CDH13: variants seen among roughly 807,000 people sequenced by gnomAD.
The protein encoded by CDH13 is cadherin-13.
A neutral mutation model predicts 63.8 loss-of-function variants in CDH13; 24 were observed. That is an observed-to-expected ratio of 0.38 (90% CI 0.27 to 0.53). CDH13 has a LOEUF of 0.53. CDH13 is among the 20% of genes least tolerant of loss of function. The probability of loss-of-function intolerance (pLI) is 0.85; values close to 1 mark genes in which losing one functional copy is unlikely to be tolerated. For missense variants in CDH13, 1,049 were observed against 903.1 expected, an observed-to-expected ratio of 1.16 and a Z score of -2.07; for synonymous variants, 503 against 355.3, an observed-to-expected ratio of 1.42 and a Z score of -4.67.
At chr16:82,760,142 T>A (rs2034776803) in intron 1 of CDH13, among the ~76,000 whole-genome samples, 1 of 152,162 alleles carries the variant, frequency 6.6e-6, no homozygotes, top group Non-Finnish European at 1.5e-5. Flanking sequence ...ACACAAATAT[T>A]TTCCAGAACA....
At chr16:83,345,521 C>T (rs189323647) in intron 6 of CDH13, among the ~76,000 whole-genome samples, 52 of 152,310 alleles carry the variant, frequency 3.4e-4, no homozygotes, top group African/African-American at 1.2e-3. Flanking sequence ...TGATATCTCT[C>T]TCTGGAAATG....
chr16:82,953,717 C>T (rs1905625165), intron 2 of CDH13: 1 of 152,076 alleles, frequency 6.6e-6, no homozygotes. Flanking sequence ...ACTGGGTGCT[C>T]AGTGGTGAAA....
chr16:83,136,260 G>C (rs2036279128), intron 4 of CDH13, among the ~76,000 whole-genome samples: 1 of 151,722 alleles, frequency 6.6e-6, no homozygotes, highest in African/African-American at 2.4e-5. Flanking sequence ...GAGGCAGGCG[G>C]ATCATGAGGT....
chr16:83,174,428 C>T (rs917118609), intron 4 of CDH13, among the ~76,000 whole-genome samples: 4 of 151,910 alleles, frequency 2.6e-5, no homozygotes, highest in African/African-American at 9.7e-5. Flanking sequence ...TTACTTAGAG[C>T]TTTATGGATT....
intron 5 of CDH13, among the ~76,000 whole-genome samples, chr16:83,232,037 G>T (rs573137153): frequency 6.6e-6 from 1 of 151,328 alleles, no homozygotes; most frequent in African/African-American, 2.4e-5. Flanking sequence ...TGGACACAAG[G>T]CGGGCTTTTC....
rs544842173 is a variant in CDH13, at chr16:83,002,509, A to G, written c.158-29501A>G. ...TAAGCCACAAAGCTTATAGTTTGTT[A>G]TAGCAGCCACAGGAAATTAATACAA... On this transcript the variant is annotated intron_variant, in intron 2 of 13. Coordinates refer to ENST00000567109, the MANE Select transcript of CDH13 (RefSeq NM_001257.5). Among the ~76,000 whole-genome samples the G allele has an allele frequency of 5.3e-5, 8 of 152,364 alleles. No individual in the cohort carries two copies. In the East Asian group the frequency reaches 1.5e-3, roughly 29 times the overall value.
At chr16:83,253,131 AC>A (rs1228084676) in intron 5 of CDH13, among the ~76,000 whole-genome samples, 1 of 152,226 alleles carries the variant, frequency 6.6e-6, no homozygotes, top group Non-Finnish European at 1.5e-5. Flanking sequence ...AAGTAAAATA[AC>A]AAGGCAAAGG....
At chr16:82,639,959 AC>A (rs1422032576) in intron 1 of CDH13, among the ~76,000 whole-genome samples, 1 of 152,212 alleles carries the variant, frequency 6.6e-6, no homozygotes, top group Non-Finnish European at 1.5e-5. Context: ...CATTCACTTA[AC>A]AAATATTTAC....
At position 83,624,353 on chromosome 16, in the gene CDH13, C is replaced by T. The variant is rs377711695; in HGVS notation, c.1101+21759C>T. On this transcript the variant is annotated intron_variant, in intron 8 of 13. Transcript: ENST00000567109. ...ATGAGATAACGCCCCCACCCCTGCCCCAGGTCAGCAGTCCCCAGCCTTTTT... is the reference window on the plus strand; with the variant it reads ...ATGAGATAACGCCCCCACCCCTGCCTCAGGTCAGCAGTCCCCAGCCTTTTT... Among the ~76,000 whole-genome samples the T allele has an allele frequency of 8.1e-3, 1,234 of 151,990 alleles. 16 individuals are homozygous for T. The highest frequency in any genetic ancestry group is 0.012 in the Non-Finnish European group (812 of 67,974).
At chr16:83,141,474 C>G (rs1031170672) in intron 4 of CDH13, among the ~76,000 whole-genome samples, 6 of 152,130 alleles carry the variant, frequency 3.9e-5, no homozygotes, top group African/African-American at 1.4e-4. Flanking sequence ...CATTTCTCTT[C>G]GCAGTGTTCT....
intron 2 of CDH13, among the ~76,000 whole-genome samples, chr16:82,926,629 C>T (rs969301854): frequency 6.6e-6 from 1 of 152,174 alleles, no homozygotes; most frequent in African/African-American, 2.4e-5. Flanking sequence ...CTCACAAGCT[C>T]TAGGTACAAA....
At chr16:83,053,024 C>T (rs115472513) in intron 3 of CDH13, among the ~76,000 whole-genome samples, 1,636 of 152,036 alleles carry the variant, frequency 0.011, 35 homozygotes, top group African/African-American at 0.036. Flanking sequence ...ACATTCTTTT[C>T]GAAGGCCTAA....
rs58046063 is a variant in CDH13, at chr16:82,804,312, C to CATAT, written c.46-54050_46-54049insATAT. Among the ~76,000 whole-genome samples, 423 of 148,370 alleles carry CATAT rather than the reference C, an allele frequency of 2.9e-3. 4 individuals carry two copies. The highest frequency in any genetic ancestry group is 0.021 in the Middle Eastern group (6 of 290). On this transcript the variant is annotated intron_variant, in intron 1 of 13. Transcript: ENST00000567109. ...ACACACACACACACACACACACACA[C>CATAT]GCACACACATACAAATACAAAGAAA...
chr16:83,687,903 C>A (rs912448600), intron 10 of CDH13, among the ~76,000 whole-genome samples: 1 of 152,232 alleles, frequency 6.6e-6, no homozygotes, highest in Non-Finnish European at 1.5e-5. Context: ...ATACTCATCT[C>A]TTTGAAAACT....
rs113563430 is a variant in CDH13 at position 83,125,395 on chromosome 16, A to G, written c.377A>G (p.Lys126Arg). The G allele has an allele frequency of 6.3e-7, 1 of 1,575,500 alleles. No homozygotes were observed. Among genetic ancestry groups the G allele is most frequent in the Non-Finnish European group, 8.7e-7 (1 of 1,145,294 alleles). Residue 126 changes from lysine (K) to arginine (R), a missense_variant, in exon 4 of 14, where the codon AAA (lysine) becomes AGA (arginine). Transcript: ENST00000567109. ...DIQGSLQDIF[K>R]FARTSPVPRQ... Reference sequence around the variant, plus strand: ...TGTTTTCCCTTTTAGGATATATTTAAATTTGCAAGAACTTCTCCTGTCCCA... The same window carrying G: ...TGTTTTCCCTTTTAGGATATATTTAGATTTGCAAGAACTTCTCCTGTCCCA...
At chr16:83,569,792 A>G (rs1013063187) in intron 7 of CDH13, among the ~76,000 whole-genome samples, 1 of 152,142 alleles carries the variant, frequency 6.6e-6, no homozygotes, top group African/African-American at 2.4e-5. Flanking sequence ...GCTGGAGTGC[A>G]GTGGTACAAT....
intron 4 of CDH13, among the ~76,000 whole-genome samples, chr16:83,149,347 A>T (rs2036877832): frequency 6.6e-6 from 1 of 152,222 alleles, no homozygotes; most frequent in African/African-American, 2.4e-5. Context: ...AATGAGAAAG[A>T]CATGGCAATG....
intron 6 of CDH13, among the ~76,000 whole-genome samples, chr16:83,362,717 C>G (rs1349376600): frequency 6.6e-6 from 1 of 152,212 alleles, no homozygotes; most frequent in African/African-American, 2.4e-5. Context: ...TTTCCTCTGT[C>G]TCATTGTGGG....
intron 6 of CDH13, among the ~76,000 whole-genome samples, chr16:83,448,630 C>A (rs941734498): frequency 6.6e-6 from 1 of 152,156 alleles, no homozygotes; most frequent in African/African-American, 2.4e-5. Flanking sequence ...CATTATAGCT[C>A]CTCCTCCTCT....
Sources: allele counts gnomAD v4.1 joint callset (sites outside exome capture counted in the v4.1 genomes callset), GRCh38; gene constraint gnomAD v4.1.1; transcripts MANE v1.5; gene names NCBI Gene and HGNC (gene_info 2026-07-23, HGNC 2026-07-21).